SDK2: variants seen among roughly 807,000 people sequenced by gnomAD.
The protein encoded by SDK2 is protein sidekick-2.
A neutral mutation model predicts 253.9 loss-of-function variants in SDK2; 105 were observed. The ratio of observed to expected loss-of-function variants is 0.41; its 90% CI spans 0.35 to 0.49. SDK2 has a LOEUF of 0.49. SDK2 is among the 20% of genes least tolerant of loss of function. The probability of loss-of-function intolerance (pLI) is 0.06; values close to 1 mark genes in which losing one functional copy is unlikely to be tolerated. For missense variants in SDK2, 2,608 were observed against 3,003.0 expected, an observed-to-expected ratio of 0.87 and a Z score of 3.07; for synonymous variants, 1,249 against 1,234.9, an observed-to-expected ratio of 1.01 and a Z score of -0.24.
At chr17:73,549,467 T>C (rs34364799) in intron 1 of SDK2, among the ~76,000 whole-genome samples, 4,705 of 152,316 alleles carry the variant, frequency 0.031, 110 homozygotes, top group Non-Finnish European at 0.049. Flanking sequence ...TGGCATGTGC[T>C]GGGAATCGCA....
chr17:73,447,317 C>T lies in SDK2; in HGVS notation c.613+298G>A, dbSNP rs1211186218. Reference sequence around the variant, plus strand: ...ACACATGCACACGCTCTTCCTCTGCCCCACCCCTCCCTGGGTCCCTGGTAG... The same window carrying T: ...ACACATGCACACGCTCTTCCTCTGCTCCACCCCTCCCTGGGTCCCTGGTAG... On this transcript the variant is annotated intron_variant, in intron 5 of 44. Coordinates refer to ENST00000392650, the MANE Select transcript of SDK2 (RefSeq NM_001144952.2). This position sits in a 1 kb window ranked among gnomAD's most constrained non-coding sequence, Gnocchi z 4.0. 2.0e-5 allele frequency among the ~76,000 whole-genome samples: 3 copies of T among 151,980 alleles called. No individual in the cohort carries two copies. Among genetic ancestry groups the T allele is most frequent in the African/African-American group, 7.3e-5 (3 of 41,368 alleles).
At chr17:73,553,946 T>C (rs2045103975) in intron 1 of SDK2, among the ~76,000 whole-genome samples, 1 of 152,162 alleles carries the variant, frequency 6.6e-6, no homozygotes, top group Non-Finnish European at 1.5e-5. Context: ...CCTGAAGCCC[T>C]GGCTTCTTCC....
At chr17:73,446,351 C>T (rs1046640825) in intron 5 of SDK2, among the ~76,000 whole-genome samples, 4 of 152,204 alleles carry the variant, frequency 2.6e-5, no homozygotes, top group South Asian at 4.1e-4. Context: ...TCAGAGGTTA[C>T]ACCCTCAACC....
chr17:73,413,879 C>T (rs1037444876), intron 18 of SDK2, among the ~76,000 whole-genome samples: 13 of 152,172 alleles, frequency 8.5e-5, no homozygotes, highest in African/African-American at 3.1e-4. Flanking sequence ...CCAAGTCTGT[C>T]TGAGTCCTAA....
intron 1 of SDK2, among the ~76,000 whole-genome samples, chr17:73,528,356 G>C (rs78760327): frequency 0.033 from 5,011 of 152,310 alleles, 237 homozygotes; most frequent in African/African-American, 0.099. Context: ...AGTGAAAGAA[G>C]TAACACGTAT....
intron 1 of SDK2, among the ~76,000 whole-genome samples, chr17:73,550,785 G>C (rs985072555): frequency 6.6e-6 from 1 of 152,202 alleles, no homozygotes; most frequent in Non-Finnish European, 1.5e-5. Flanking sequence ...CCCAGAGATC[G>C]GTGACACAAG....
chr17:73,611,797 C>A (rs1348854798), intron 1 of SDK2, among the ~76,000 whole-genome samples: 4 of 152,240 alleles, frequency 2.6e-5, no homozygotes, highest in Non-Finnish European at 2.9e-5. Flanking sequence ...AGCAGGCAGT[C>A]CAGCCCAGCT....
At position 73,616,235 on chromosome 17, in the gene SDK2, C is replaced by T. The variant is rs535667296; in HGVS notation, c.64+27790G>A. 2.0e-3 allele frequency among the ~76,000 whole-genome samples: 307 copies of T among 152,250 alleles called. No homozygotes were observed. The highest frequency in any genetic ancestry group is 2.1e-3 in the Non-Finnish European group (141 of 68,022). ...CTCAGGGCACTGTGAACCTTGTGCT[C>T]GGCAGCCCCAGGCATCCCGGTGCTG... On this transcript the variant is annotated intron_variant, in intron 1 of 44. Coordinates refer to ENST00000392650, the MANE Select transcript of SDK2 (RefSeq NM_001144952.2). This position sits in a 1 kb window ranked among gnomAD's most constrained non-coding sequence, Gnocchi z 5.2.
chr17:73,564,321 A>C (rs1321404894), intron 1 of SDK2, among the ~76,000 whole-genome samples: 2 of 152,208 alleles, frequency 1.3e-5, no homozygotes, highest in African/African-American at 4.8e-5. Context: ...ATCACTACAG[A>C]AAGTTCTACT....
At chr17:73,576,433 T>A (rs181913806) in intron 1 of SDK2, among the ~76,000 whole-genome samples, 1 of 152,182 alleles carries the variant, frequency 6.6e-6, no homozygotes, top group African/African-American at 2.4e-5. Flanking sequence ...ATGAAGGGCA[T>A]GTCATTCCAA....
At chr17:73,483,675 A>ATATATT (rs1567799255) in intron 2 of SDK2, among the ~76,000 whole-genome samples, 1 of 69,040 alleles carries the variant, frequency 1.4e-5, no homozygotes, top group African/African-American at 7.1e-5. Context: ...ATATATATAT[A>ATATATT]TATATATTTA....
chr17:73,432,953 C>T (rs1436631994), intron 10 of SDK2, among the ~76,000 whole-genome samples: 1 of 152,076 alleles, frequency 6.6e-6, no homozygotes, highest in Non-Finnish European at 1.5e-5. Context: ...GGGCAGATGG[C>T]CTTAGGGAGG....
intron 1 of SDK2, among the ~76,000 whole-genome samples, chr17:73,568,041 T>A (rs1415828899): frequency 1.3e-5 from 2 of 152,220 alleles, no homozygotes; most frequent in African/African-American, 4.8e-5. Context: ...AGGAGTGGAA[T>A]GATATGGTTT....
intron 1 of SDK2, among the ~76,000 whole-genome samples, chr17:73,595,372 A>C (rs189747069): frequency 0.014 from 2,055 of 152,170 alleles, 16 homozygotes; most frequent in Middle Eastern, 0.075. Context: ...CTCCAGATTG[A>C]GGGGGTGTCC....
intron 1 of SDK2, among the ~76,000 whole-genome samples, chr17:73,508,936 G>A (rs2063955915): frequency 6.6e-6 from 1 of 152,236 alleles, no homozygotes; most frequent in African/African-American, 2.4e-5. Flanking sequence ...CTCACCTAGT[G>A]AGCACCTACT....
At chr17:73,448,130 G>A (rs140496357) in intron 4 of SDK2, among the ~76,000 whole-genome samples, 1 of 152,344 alleles carries the variant, frequency 6.6e-6, no homozygotes, top group Non-Finnish European at 1.5e-5. Flanking sequence ...TCTGCATGAT[G>A]TACATCCAGA....
chr17:73,380,643 C>A (rs996495594), intron 34 of SDK2, among the ~76,000 whole-genome samples: 1 of 152,242 alleles, frequency 6.6e-6, no homozygotes, highest in African/African-American at 2.4e-5. Flanking sequence ...CCCAGCCGAG[C>A]ACAGGGTTAC....
At chr17:73,413,225 T>C (rs551229730) in intron 18 of SDK2, among the ~76,000 whole-genome samples, 3 of 152,040 alleles carry the variant, frequency 2.0e-5, no homozygotes, top group Admixed American at 6.6e-5. Flanking sequence ...CTGTGAACTG[T>C]GGATGTGAGG....
At chr17:73,402,587 GCA>G (rs2145531296) in intron 18 of SDK2, among the ~76,000 whole-genome samples, 1 of 152,282 alleles carries the variant, frequency 6.6e-6, no homozygotes, top group South Asian at 2.1e-4. Context: ...TGCACAGGTG[GCA>G]CACCCATGAA....
Sources: gnomAD v4.1 joint callset for allele counts (sites outside exome capture counted in the v4.1 genomes callset) on GRCh38, gnomAD v4.1.1 for gene constraint, Gnocchi (gnomAD v3.1) non-coding constraint, MANE v1.5 for transcripts, NCBI Gene and HGNC (gene_info 2026-07-23, HGNC 2026-07-21) for gene names.